PIWIL1: variants seen among roughly 807,000 people sequenced by gnomAD.
PIWIL1 encodes the protein piwi-like protein 1.
A neutral mutation model predicts 114.4 loss-of-function variants in PIWIL1; 73 were observed. The observed-to-expected ratio is 0.64, with a 90% CI of 0.53 to 0.78. The LOEUF is 0.78. PIWIL1 is among the 30% of genes least tolerant of loss of function. PIWIL1 has a pLI of 0.00. For missense variants in PIWIL1, 723 were observed against 1,063.1 expected, an observed-to-expected ratio of 0.68 and a Z score of 4.45; for synonymous variants, 375 against 369.0, an observed-to-expected ratio of 1.02 and a Z score of -0.19.
chr12:130,370,843 G>T (rs1019835131), intron 19 of PIWIL1, among the ~76,000 whole-genome samples: 2 of 152,168 alleles, frequency 1.3e-5, no homozygotes, highest in Non-Finnish European at 2.9e-5. Flanking sequence ...CAGTCACATG[G>T]TTCGGGGGTC....
intron 10 of PIWIL1, 106 bp downstream of exon 10, chr12:130,354,769 C>A (rs2073318710): frequency 6.8e-7 from 1 of 1,474,468 alleles, no homozygotes; most frequent in East Asian, 2.3e-5. Flanking sequence ...CCCCAGAAAA[C>A]CTTTTATTAA....
At chr12:130,411,507 A>G in the PIWIL1 span, among the ~76,000 whole-genome samples, 545 of 152,282 alleles carry the variant, frequency 3.6e-3, 2 homozygotes, top group African/African-American at 0.011. Context: ...GCACATAGAT[A>G]TATCAGGCTA....
At chr12:130,423,673 A>G in the PIWIL1 span, among the ~76,000 whole-genome samples, 1 of 148,084 alleles carries the variant, frequency 6.8e-6, no homozygotes, top group Non-Finnish European at 1.5e-5. Context: ...AAAAAAAAAA[A>G]AAATAGATTT....
chr12:130,400,707 GA>G, the PIWIL1 span, among the ~76,000 whole-genome samples: 2 of 152,184 alleles, frequency 1.3e-5, no homozygotes, highest in African/African-American at 4.8e-5. Context: ...TGGAATGGGA[GA>G]AAATGTCTGC....
chr12:130,341,034 G>T (rs1424789464), intron 1 of PIWIL1, among the ~76,000 whole-genome samples: 4 of 152,196 alleles, frequency 2.6e-5, no homozygotes, highest in Non-Finnish European at 5.9e-5. Context: ...ATGAAGCCAA[G>T]AATTTTAGAA....
the PIWIL1 span, chr12:130,397,950 C>CTATT: frequency 6.4e-6 from 1 of 155,102 alleles, no homozygotes; most frequent in African/African-American, 2.4e-5. Flanking sequence ...GTATTTGAAA[C>CTATT]TATTTGGTTA....
chr12:130,412,398 C>CTTAGGTG, the PIWIL1 span, among the ~76,000 whole-genome samples: 1 of 152,204 alleles, frequency 6.6e-6, no homozygotes, highest in East Asian at 1.9e-4. Context: ...TGTCTTCACA[C>CTTAGGTG]TTAGGTGTAT....
chr12:130,407,766 T>C, the PIWIL1 span: 1 of 1,614,152 alleles, frequency 6.2e-7, no homozygotes, highest in African/African-American at 1.3e-5. Context: ...GGGGTCGTAG[T>C]CATACAGGGC....
the PIWIL1 span, chr12:130,424,598 C>T: frequency 5.5e-5 from 68 of 1,231,750 alleles, no homozygotes; most frequent in East Asian, 1.8e-3. This position sits in a 1 kb window ranked among gnomAD's most constrained non-coding sequence, Gnocchi z 9.8. Flanking sequence ...GGACGGCCCC[C>T]GAGCCCCTGT....
At chr12:130,369,536 C>T (rs917694397) in intron 19 of PIWIL1, among the ~76,000 whole-genome samples, 3 of 32,346 alleles carry the variant, frequency 9.3e-5, no homozygotes, top group African/African-American at 2.2e-4. Flanking sequence ...GTTCCTATTT[C>T]TCTCAGCCTT....
Position 130,365,005 on chromosome 12 carries a change from T to C in PIWIL1, c.2195+1861T>C, listed in dbSNP as rs2136187451. On this transcript the variant is annotated intron_variant, in intron 18 of 20. Coordinates refer to ENST00000245255, the MANE Select transcript of PIWIL1 (RefSeq NM_004764.5). ...TTTCTTAGGGTCCTTTGGGTTTGATTCCCAGAAGGACTGGCAGAAATGGCT... is the reference window on the plus strand; with the variant it reads ...TTTCTTAGGGTCCTTTGGGTTTGATCCCCAGAAGGACTGGCAGAAATGGCT... Among the ~76,000 whole-genome samples, 2 of 152,270 alleles carry C rather than the reference T, an allele frequency of 1.3e-5. 1 individual carries two copies. Among genetic ancestry groups the C allele is most frequent in the South Asian group, 4.1e-4 (2 of 4,826 alleles).
At chr12:130,350,490 G>C (rs1209442110) in intron 9 of PIWIL1, among the ~76,000 whole-genome samples, 5 of 152,190 alleles carry the variant, frequency 3.3e-5, no homozygotes, top group South Asian at 2.1e-4. Flanking sequence ...ATCTAAAACA[G>C]TTTTTAAAGA....
chr12:130,392,398 G>A, the PIWIL1 span, among the ~76,000 whole-genome samples: 1,140 of 100,198 alleles, frequency 0.011, 35 homozygotes, highest in African/African-American at 0.025. Flanking sequence ...GTTACCTGGT[G>A]AATATTGAAT....
At chr12:130,340,230 G>T (rs1357727621) in intron 1 of PIWIL1, among the ~76,000 whole-genome samples, 1 of 152,138 alleles carries the variant, frequency 6.6e-6, no homozygotes, top group Non-Finnish European at 1.5e-5. Flanking sequence ...ACGGTGTAGG[G>T]TGAGTCACGG....
chr12:130,372,719 T>C (rs1405190199), downstream of PIWIL1: 2 of 150,968 alleles, frequency 1.3e-5, no homozygotes, highest in Admixed American at 6.6e-5. Context: ...ATATTTGTAG[T>C]ATAAGAACGG....
chr12:130,360,589 C>T (rs2073483419), intron 14 of PIWIL1, among the ~76,000 whole-genome samples: 1 of 152,168 alleles, frequency 6.6e-6, no homozygotes, highest in African/African-American at 2.4e-5. Flanking sequence ...GCCGAGATCG[C>T]ACCACTGCAT....
At chr12:130,397,918 A>C in the PIWIL1 span, 2 of 163,370 alleles carry the variant, frequency 1.2e-5, no homozygotes, top group African/African-American at 4.8e-5. Flanking sequence ...AAAAAGCGAA[A>C]GTTCATAAAG....
At chr12:130,346,307 G>A in intron 4 of PIWIL1, 63 bp from the exon 5 acceptor site, 1 of 1,287,946 alleles carries the variant, frequency 7.8e-7, no homozygotes, top group South Asian at 1.3e-5. Flanking sequence ...TGTCATGGTA[G>A]GAAAGATTTC....
At chr12:130,402,169 A>G in the PIWIL1 span, among the ~76,000 whole-genome samples, 1 of 152,278 alleles carries the variant, frequency 6.6e-6, no homozygotes, top group East Asian at 1.9e-4. Context: ...CAAAGTGACG[A>G]CGGGACTTGC....
Sources: allele counts gnomAD v4.1 joint callset (sites outside exome capture counted in the v4.1 genomes callset), GRCh38; gene constraint gnomAD v4.1.1; non-coding constraint Gnocchi (gnomAD v3.1); transcripts MANE v1.5; gene names NCBI Gene and HGNC (gene_info 2026-07-23, HGNC 2026-07-21).